Variants in CFTR observed in about 807,000 individuals in gnomAD.
CFTR encodes CF transmembrane conductance regulator.
In CFTR, 181 loss-of-function variants were observed where a neutral mutation model predicts 171.6. That is an observed-to-expected ratio of 1.05 (90% confidence interval 0.93 to 1.19). The LOEUF (loss-of-function observed/expected upper bound fraction) is 1.19. CFTR is among the 50% of genes most tolerant of loss of function. The probability of loss-of-function intolerance (pLI) is 0.00; values close to 1 mark genes in which losing one functional copy is unlikely to be tolerated. For missense variants in CFTR, 1,968 were observed against 1,734.7 expected (o/e 1.13, Z -2.39); for synonymous variants, 583 against 608.0 (o/e 0.96, Z 0.60).
At chr7:117,532,562 G>A (rs1421564992) in intron 4 of CFTR, among the ~76,000 whole-genome samples, 2 of 152,168 alleles carry the variant, frequency 1.3e-5, no homozygotes, top group Admixed American at 1.3e-4. Flanking sequence ...ATATTTAGTG[G>A]TCAGACTGTA....
chr7:117,561,872 CA>C (rs1791503506), intron 11 of CFTR, among the ~76,000 whole-genome samples: 1 of 152,078 alleles, frequency 6.6e-6, no homozygotes. Context: ...CAAAGAGGCA[CA>C]AGGCTAATGT....
rs143696849 is a variant in CFTR, at chr7:117,609,395, C to T, written c.2989-1124C>T. 6.6e-4 allele frequency among the ~76,000 whole-genome samples: 100 copies of T among 152,112 alleles called. No homozygotes were observed. The East Asian group carries it at 0.016, about 25-fold the overall frequency. ...AAAATACATGTGTCACTTATGGTAA[C>T]GGGTAGAGAACTGGCTCACTGAACA... On this transcript the variant is annotated intron_variant, in intron 18 of 26. Coordinates refer to ENST00000003084, the MANE Select transcript of CFTR (RefSeq NM_000492.4).
chr7:117,562,716 A>G (rs1791535393), intron 11 of CFTR, among the ~76,000 whole-genome samples: 1 of 152,186 alleles, frequency 6.6e-6, no homozygotes, highest in Admixed American at 6.5e-5. Context: ...GACCATTTCA[A>G]TATGAAGTGC....
At chr7:117,625,637 G>A (rs1236159406) in intron 21 of CFTR, among the ~76,000 whole-genome samples, 1 of 152,090 alleles carries the variant, frequency 6.6e-6, no homozygotes, top group South Asian at 2.1e-4. Context: ...GAATTAACAT[G>A]CAAAAATATC....
chr7:117,509,174 T>C (rs780026510), intron 3 of CFTR, 32 bp downstream of exon 3: 2 of 1,161,060 alleles, frequency 1.7e-6, no homozygotes, highest in Non-Finnish European at 2.6e-6. Flanking sequence ...TCATTATGTA[T>C]CACATAACTA....
chr7:117,538,647 T>C (rs1382540842), intron 7 of CFTR, among the ~76,000 whole-genome samples: 1 of 152,218 alleles, frequency 6.6e-6, no homozygotes, highest in Non-Finnish European at 1.5e-5. Flanking sequence ...ACCTCTACTG[T>C]GCTATTTAAT....
intron 11 of CFTR, 115 bp from the exon 12 acceptor site, chr7:117,587,624 A>T: frequency 1.5e-6 from 1 of 665,652 alleles, no homozygotes; most frequent in Middle Eastern, 3.7e-4. Context: ...TCAAAATTTC[A>T]ACTGTGGTTA....
rs117492933 is a variant in CFTR at position 117,640,836 on chromosome 7, C to A, written c.3718-1602C>A. Among the ~76,000 whole-genome samples the A allele has an allele frequency of 5.1e-4, 77 of 152,266 alleles. No individual in the cohort carries two copies. The East Asian group carries it at 0.014, about 28-fold the overall frequency. Reference sequence around the variant, plus strand: ...ATCAGCTAAATTACATAAGTTCATTCATCTGCTCATAAATCCATCCATTCT... The same window carrying A: ...ATCAGCTAAATTACATAAGTTCATTAATCTGCTCATAAATCCATCCATTCT... On this transcript the variant is annotated intron_variant, in intron 22 of 26. Transcript: ENST00000003084.
intron 11 of CFTR, among the ~76,000 whole-genome samples, chr7:117,576,587 T>C (rs773310770): frequency 2.6e-5 from 4 of 152,104 alleles, no homozygotes; most frequent in Admixed American, 6.6e-5. Context: ...CACATCAGTA[T>C]CTACTTTTGA....
At chr7:117,622,755 A>G (rs1384621694) in intron 21 of CFTR, among the ~76,000 whole-genome samples, 3 of 152,132 alleles carry the variant, frequency 2.0e-5, no homozygotes, top group East Asian at 3.9e-4. Context: ...TGTGAGGGAG[A>G]GGAGTCTGGC....
intron 11 of CFTR, among the ~76,000 whole-genome samples, chr7:117,583,942 T>C (rs1388184309): frequency 6.6e-6 from 1 of 152,184 alleles, no homozygotes; most frequent in African/African-American, 2.4e-5. Context: ...TGAGCATTTT[T>C]TCCTGTGTTT....
intron 20 of CFTR, 75 bp from the exon 21 acceptor site, chr7:117,614,535 TAGG>T (rs1454104569): frequency 4.5e-6 from 4 of 887,882 alleles, no homozygotes; most frequent in African/African-American, 3.3e-5. Context: ...ATATGTGCCC[TAGG>T]AGAAGTGTGA....
chr7:117,563,936 T>A (rs1239505650), intron 11 of CFTR, among the ~76,000 whole-genome samples: 1 of 152,144 alleles, frequency 6.6e-6, no homozygotes, highest in African/African-American at 2.4e-5. Flanking sequence ...TCTTGTATTT[T>A]AAAAAAATGT....
chr7:117,540,006 C>A (rs536748954), intron 7 of CFTR, 94 bp from the exon 8 acceptor site: 1 of 1,078,154 alleles, frequency 9.3e-7, no homozygotes, highest in South Asian at 1.4e-5. Flanking sequence ...GGCAGAAAGA[C>A]TCTAGAGACC....
intron 7 of CFTR, among the ~76,000 whole-genome samples, chr7:117,538,861 C>T (rs776093454): frequency 5.3e-5 from 8 of 152,138 alleles, no homozygotes; most frequent in African/African-American, 1.4e-4. Context: ...CCTAAATAGA[C>T]GGAATTGCAA....
intron 21 of CFTR, among the ~76,000 whole-genome samples, chr7:117,622,221 T>TA (rs1177324633): frequency 6.6e-6 from 1 of 152,220 alleles, no homozygotes; most frequent in East Asian, 1.9e-4. Context: ...ACTGACTTTT[T>TA]ATGTGCTCTA....
chr7:117,632,951 T>G (rs2116142697), intron 22 of CFTR, among the ~76,000 whole-genome samples: 1 of 152,322 alleles, frequency 6.6e-6, no homozygotes, highest in South Asian at 2.1e-4. Context: ...GTAGTTTCAG[T>G]TATCTGACTT....
At chr7:117,545,672 G>A (rs143918886) in intron 9 of CFTR, among the ~76,000 whole-genome samples, 7 of 152,220 alleles carry the variant, frequency 4.6e-5, no homozygotes, top group African/African-American at 2.4e-5. Flanking sequence ...TAACATATTA[G>A]GAAGCTGAGG....
chr7:117,587,110 A>G (rs906913360), intron 11 of CFTR, among the ~76,000 whole-genome samples: 1 of 152,138 alleles, frequency 6.6e-6, no homozygotes, highest in African/African-American at 2.4e-5. Context: ...AATATTCATT[A>G]CCTGGGAGAA....
Sources: allele counts gnomAD v4.1 joint callset (sites outside exome capture counted in the v4.1 genomes callset), GRCh38; gene constraint gnomAD v4.1.1; transcripts MANE v1.5; gene names NCBI Gene and HGNC (gene_info 2026-07-23, HGNC 2026-07-21).